The following SETBP1 variants were observed in gnomAD, a reference collection of about 807,000 sequenced individuals.
SETBP1 encodes the protein SET binding protein 1, also known as SET-binding protein.
Under a neutral mutation model 101.0 loss-of-function variants are expected in SETBP1, and 9 were observed. The observed-to-expected ratio is 0.09, with a 90% CI of 0.05 to 0.16. The LOEUF is 0.16. Among genes scored for constraint, SETBP1 ranks in the 10% least tolerant of loss-of-function variants. SETBP1 has a pLI of 1.00. For synonymous variants in SETBP1, 818 were observed against 788.5 expected, an observed-to-expected ratio of 1.04 and a Z score of -0.63; for missense variants, 1,858 against 2,033.8, an observed-to-expected ratio of 0.91 and a Z score of 1.66.
chr18:44,998,903 A>C (rs1317676126), intron 4 of SETBP1, among the ~76,000 whole-genome samples: 2 of 152,234 alleles, frequency 1.3e-5, no homozygotes, highest in African/African-American at 4.8e-5. Context: ...TTGATGAGCA[A>C]AAAGACATGG....
In SETBP1 at chr18:44,681,038, G is replaced by C. The variant is rs2068752219; in HGVS notation, c.-173+17G>C. On this transcript the variant is annotated intron_variant, in intron 1 of 5. Coordinates refer to ENST00000649279, the MANE Select transcript of SETBP1 (RefSeq NM_015559.3). Reference sequence around the variant, plus strand: ...CCGGCGAAGGTTGGTGTGTGCTTGTGTTGTGCCTGTGTGTTAGTCTTTTTC... The same window carrying C: ...CCGGCGAAGGTTGGTGTGTGCTTGTCTTGTGCCTGTGTGTTAGTCTTTTTC... The C allele has an allele frequency of 6.6e-6, 1 of 152,282 alleles. No homozygotes were observed. Among genetic ancestry groups the C allele is most frequent in the African/African-American group, 2.4e-5 (1 of 41,442 alleles). 9.4% of individuals were successfully genotyped at this position (152,282 alleles called of 1,614,324 possible).
intron 4 of SETBP1, among the ~76,000 whole-genome samples, chr18:45,034,564 T>C (rs2073357694): frequency 6.6e-6 from 1 of 152,130 alleles, no homozygotes; most frequent in South Asian, 2.1e-4. Flanking sequence ...TAGAGGTCAA[T>C]AGGTTATAGC....
chr18:44,953,327 C>T lies in SETBP1; in HGVS notation c.3987C>T (p.Ser1329=), dbSNP rs1489343617. 1 of 1,613,564 alleles carries T rather than the reference C, an allele frequency of 6.2e-7. No individual in the cohort carries two copies. Reference sequence around the variant, plus strand: ...GCAAGGAGAGAAGTTCTTATGACTCCTCCATGTCTCCAGGTAAGGCTGTTT... The same window carrying T: ...GCAAGGAGAGAAGTTCTTATGACTCTTCCATGTCTCCAGGTAAGGCTGTTT... ...MNRKERSSYD[S]SMSPGMPSPH... Residue 1329 remains serine, a synonymous_variant, in exon 4 of 6, where the codon TCC becomes TCT. Coordinates refer to ENST00000649279, the MANE Select transcript of SETBP1 (RefSeq NM_015559.3).
intron 2 of SETBP1, among the ~76,000 whole-genome samples, chr18:44,823,384 A>G (rs921755562): frequency 7.2e-5 from 11 of 152,240 alleles, no homozygotes; most frequent in Non-Finnish European, 1.2e-4. Flanking sequence ...ACAAAAACCA[A>G]TGATAGCTTC....
chr18:44,721,909 T>A (rs1294215895), intron 2 of SETBP1, among the ~76,000 whole-genome samples: 1 of 152,204 alleles, frequency 6.6e-6, no homozygotes, highest in Non-Finnish European at 1.5e-5. Flanking sequence ...ACTTGCAAAA[T>A]TGTTCCTTGT....
chr18:44,795,288 T>A (rs1019948724), intron 2 of SETBP1, among the ~76,000 whole-genome samples: 1 of 152,202 alleles, frequency 6.6e-6, no homozygotes, highest in African/African-American at 2.4e-5. Context: ...TTGTTCGGTC[T>A]CAGGTTCCTT....
chr18:45,062,966 A>G (rs1189888586), intron 5 of SETBP1, 113 bp from the exon 6 acceptor site: 2 of 1,412,654 alleles, frequency 1.4e-6, no homozygotes, highest in African/African-American at 2.8e-5. Context: ...TACCCATAGC[A>G]TTAATTCTCT....
intron 4 of SETBP1, among the ~76,000 whole-genome samples, chr18:45,025,877 T>A (rs988633821): frequency 2.6e-5 from 4 of 152,228 alleles, no homozygotes; most frequent in Admixed American, 6.5e-5. Context: ...GTTGGGCTAA[T>A]CTTTCGCAAG....
chr18:44,787,767 T>A (rs2071270388), intron 2 of SETBP1, among the ~76,000 whole-genome samples: 1 of 137,744 alleles, frequency 7.3e-6, no homozygotes, highest in Admixed American at 7.5e-5. Flanking sequence ...GGCAGGAGAA[T>A]GGCGTGAACC....
chr18:44,764,542 G>A (rs1199478530), intron 2 of SETBP1, among the ~76,000 whole-genome samples: 6 of 151,808 alleles, frequency 4.0e-5, no homozygotes, highest in South Asian at 2.1e-4. Flanking sequence ...GTGCGATCTC[G>A]GCTCATTGCA....
chr18:44,845,464 A>G (rs1485474156), intron 2 of SETBP1, among the ~76,000 whole-genome samples: 1 of 152,190 alleles, frequency 6.6e-6, no homozygotes, highest in Non-Finnish European at 1.5e-5. Flanking sequence ...GGGTACCAAG[A>G]TATTTTGCCT....
intron 3 of SETBP1, among the ~76,000 whole-genome samples, chr18:44,918,523 A>C (rs1291558273): frequency 6.6e-6 from 1 of 152,228 alleles, no homozygotes; most frequent in African/African-American, 2.4e-5. Context: ...GATTTCCCTC[A>C]TAATCATAGG....
At chr18:44,754,693 C>T (rs542014876) in intron 2 of SETBP1, among the ~76,000 whole-genome samples, 4 of 152,156 alleles carry the variant, frequency 2.6e-5, no homozygotes, top group Non-Finnish European at 5.9e-5. Context: ...TTATCTAAAC[C>T]GCTTAATAAA....
chr18:44,760,361 C>A (rs759182730), intron 2 of SETBP1, among the ~76,000 whole-genome samples: 15 of 152,170 alleles, frequency 9.9e-5, no homozygotes, highest in Non-Finnish European at 1.8e-4. Context: ...TCAGCTTAAC[C>A]TATAAATTAT....
chr18:45,017,265 A>T (rs1318551297), intron 4 of SETBP1, among the ~76,000 whole-genome samples: 1 of 152,112 alleles, frequency 6.6e-6, no homozygotes, highest in Non-Finnish European at 1.5e-5. Context: ...TGGAAGGAGG[A>T]TGAAACTGGC....
intron 3 of SETBP1, among the ~76,000 whole-genome samples, chr18:44,878,516 A>G (rs888637655): frequency 1.3e-5 from 2 of 152,204 alleles, no homozygotes; most frequent in Non-Finnish European, 2.9e-5. Context: ...AAATGTTAGT[A>G]TGATACATGA....
chr18:44,950,429 C>T lies in SETBP1; in HGVS notation c.1089C>T (p.Asp363=), dbSNP rs1314909126. 3 of 1,614,018 alleles carry T rather than the reference C, an allele frequency of 1.9e-6. No individual in the cohort carries two copies. Among genetic ancestry groups the T allele is most frequent in the African/African-American group, 1.3e-5 (1 of 74,936 alleles). The change falls in exon 4 of 6, where the codon GAC becomes GAT. Residue 363 remains aspartate (D), a synonymous_variant. Coordinates refer to ENST00000649279, the MANE Select transcript of SETBP1 (RefSeq NM_015559.3). ...DWVKNAQKAF[D]NTEGKREGYS... ...TCAAGAATGCCCAGAAAGCATTTGA[C>T]AATACAGAAGGGAAAAGGGAAGGTT...
At chr18:44,787,161 G>A (rs772436871) in intron 2 of SETBP1, among the ~76,000 whole-genome samples, 7 of 152,208 alleles carry the variant, frequency 4.6e-5, no homozygotes, top group African/African-American at 1.4e-4. Context: ...ATGAGGAACT[G>A]AGCATGAGTG....
chr18:44,990,463 A>T (rs2072341921), intron 4 of SETBP1, among the ~76,000 whole-genome samples: 1 of 152,000 alleles, frequency 6.6e-6, no homozygotes, highest in Non-Finnish European at 1.5e-5. Flanking sequence ...ATGGTTGTGC[A>T]TGCCTGTAGT....
Sources: gnomAD v4.1 joint callset for allele counts (sites outside exome capture counted in the v4.1 genomes callset) on GRCh38, gnomAD v4.1.1 for gene constraint, MANE v1.5 for transcripts, NCBI Gene and HGNC (gene_info 2026-07-23, HGNC 2026-07-21) for gene names.